MID2: variants seen among roughly 807,000 people sequenced by gnomAD.
The protein encoded by MID2 is probable E3 ubiquitin-protein ligase MID2.
A neutral mutation model predicts 46.1 loss-of-function variants in MID2; 13 were observed. That is an observed-to-expected ratio of 0.28 (90% confidence interval 0.18 to 0.45). The LOEUF is 0.45. Among genes scored for constraint, MID2 ranks in the 20% least tolerant of loss-of-function variants. The pLI is 1.00. For synonymous variants in MID2, 199 were observed against 212.3 expected (o/e 0.94, Z 0.55); for missense variants, 431 against 575.4 (o/e 0.75, Z 2.57).
chrX:107,849,184 A>G (rs1470537567), intron 2 of MID2, among the ~76,000 whole-genome samples: 1 of 112,265 alleles, frequency 8.9e-6, no homozygotes, highest in Non-Finnish European at 1.9e-5. Flanking sequence ...CAGACATTCT[A>G]TGACAGTGCC....
intron 7 of MID2, among the ~76,000 whole-genome samples, chrX:107,921,966 G>C (rs757027796): frequency 2.7e-5 from 3 of 111,524 alleles, no homozygotes; most frequent in African/African-American, 9.8e-5. Context: ...TAGAGACCAA[G>C]ACCTGAGTGC....
Position 107,926,073 on chromosome X carries a change from T to C in MID2, c.1598-21T>C, listed in dbSNP as rs766907409. 668 of 1,129,610 alleles carry C rather than the reference T, an allele frequency of 5.9e-4. 1 individual carries two copies. The highest frequency in any genetic ancestry group is 7.1e-4 in the Non-Finnish European group (598 of 838,274). The allele number at this position is 1,129,610 out of a possible 1,213,427, so 93.1% of individuals were successfully genotyped here. On this transcript the variant is annotated intron_variant, in intron 8 of 9. Coordinates refer to ENST00000262843, the MANE Select transcript of MID2 (RefSeq NM_012216.4). ...TACTTCATAGTGCTTTTTCTTTTTTTTTTTTCTACTTATTTTTCAGGCCAA... is the reference window on the plus strand; with the variant it reads ...TACTTCATAGTGCTTTTTCTTTTTTCTTTTTCTACTTATTTTTCAGGCCAA...
intron 1 of MID2, among the ~76,000 whole-genome samples, chrX:107,830,911 G>C (rs766476956): frequency 9.0e-6 from 1 of 111,442 alleles, no homozygotes; most frequent in Non-Finnish European, 1.9e-5. Context: ...GTAGTCTGTG[G>C]CTGTTTCTAT....
intron 3 of MID2, among the ~76,000 whole-genome samples, chrX:107,875,605 G>T (rs916734580): frequency 9.0e-6 from 1 of 111,495 alleles, no homozygotes; most frequent in African/African-American, 3.3e-5. Context: ...GAGACAAATA[G>T]TTTGTTCAGA....
chrX:107,826,580 G>C lies in MID2; in HGVS notation c.4+150G>C, dbSNP rs772604782. On this transcript the variant is annotated intron_variant, in intron 1 of 9. Transcript: ENST00000262843. ...TCGGCGAGGCAGGGTGATGGGGCCC[G>C]CGAGGCTCGAAACGGCGACGGGGGC... 2,843 of 718,212 alleles carry C rather than the reference G, an allele frequency of 4.0e-3. 6 individuals carry two copies. Among genetic ancestry groups the C allele is most frequent in the Non-Finnish European group, 4.8e-3 (2,573 of 532,760 alleles). 59.2% of individuals were successfully genotyped at this position (718,212 alleles called of 1,213,427 possible).
At chrX:107,864,281 T>C (rs1427212863) in intron 3 of MID2, among the ~76,000 whole-genome samples, 2 of 112,174 alleles carry the variant, frequency 1.8e-5, no homozygotes, top group African/African-American at 6.5e-5. Context: ...AAGCCTCTTA[T>C]GTACTCCTGC....
intron 3 of MID2, 48 bp from the exon 4 acceptor site, chrX:107,903,910 G>A (rs767898367): frequency 2.1e-6 from 2 of 941,669 alleles, no homozygotes; most frequent in East Asian, 3.1e-5. Flanking sequence ...GAGCCAGCAG[G>A]GGACAAAGGC....
chrX:107,899,800 G>A (rs1182282463), intron 3 of MID2, among the ~76,000 whole-genome samples: 2 of 111,535 alleles, frequency 1.8e-5, no homozygotes, highest in East Asian at 5.6e-4. Context: ...TACAAAGAGC[G>A]AATGTCAAAT....
chrX:107,885,595 T>C (rs1268986766), intron 3 of MID2, among the ~76,000 whole-genome samples: 2 of 111,646 alleles, frequency 1.8e-5, no homozygotes, highest in East Asian at 5.6e-4. Flanking sequence ...TGTGCTCGTG[T>C]CTTTATAGCA....
chrX:107,860,974 C>T (rs1602470280), intron 3 of MID2, among the ~76,000 whole-genome samples: 2 of 111,896 alleles, frequency 1.8e-5, no homozygotes, highest in East Asian at 2.8e-4. Context: ...CTCCATTACG[C>T]GTTGTTTTGC....
At chrX:107,862,155 G>A (rs1002685972) in intron 3 of MID2, among the ~76,000 whole-genome samples, 6 of 111,156 alleles carry the variant, frequency 5.4e-5, no homozygotes, top group African/African-American at 1.6e-4. Flanking sequence ...ATAGTAGCAG[G>A]AGGAGGAGGA....
At chrX:107,891,390 C>T in intron 3 of MID2, among the ~76,000 whole-genome samples, 1 of 108,472 alleles carries the variant, frequency 9.2e-6, no homozygotes, top group South Asian at 4.2e-4. Context: ...AAGTGATTCT[C>T]CTGCCTCAGA....
chrX:107,887,637 A>C (rs1011864144), intron 3 of MID2, among the ~76,000 whole-genome samples: 5 of 111,870 alleles, frequency 4.5e-5, no homozygotes, highest in African/African-American at 1.3e-4. Context: ...TGCTGGCCTC[A>C]TAAAATGAGT....
At chrX:107,879,694 C>G (rs1291732474) in intron 3 of MID2, among the ~76,000 whole-genome samples, 2 of 111,555 alleles carry the variant, frequency 1.8e-5, no homozygotes, top group Non-Finnish European at 3.8e-5. Flanking sequence ...CTCTTCTGCC[C>G]AGAATTTCCC....
chrX:107,844,326 A>G (rs1426886263), intron 2 of MID2, among the ~76,000 whole-genome samples: 1 of 111,403 alleles, frequency 9.0e-6, no homozygotes, highest in Non-Finnish European at 1.9e-5. Context: ...CATGTCTTTC[A>G]GCAGGCTACC....
intron 2 of MID2, among the ~76,000 whole-genome samples, chrX:107,844,532 A>G (rs1931417925): frequency 1.8e-5 from 2 of 111,258 alleles, no homozygotes; most frequent in South Asian, 3.8e-4. Context: ...TCATTATCAC[A>G]TGAGTTTCCA....
At chrX:107,895,139 T>C (rs888429064) in intron 3 of MID2, 2 of 110,021 alleles carry the variant, frequency 1.8e-5, no homozygotes, top group Admixed American at 2.0e-4. Flanking sequence ...AAACTGTCAT[T>C]GGTACAATAA....
chrX:107,898,936 G>A (rs1235564715), intron 3 of MID2, among the ~76,000 whole-genome samples: 1 of 110,895 alleles, frequency 9.0e-6, no homozygotes, highest in Non-Finnish European at 1.9e-5. Flanking sequence ...TTTCACTTGA[G>A]TCTGGGTATA....
At chrX:107,916,448 G>A (rs1485037989) in intron 6 of MID2, among the ~76,000 whole-genome samples, 1 of 111,849 alleles carries the variant, frequency 8.9e-6, no homozygotes, top group Non-Finnish European at 1.9e-5. Flanking sequence ...TAGAACTCAG[G>A]TGACAATTAG....
Sources: gnomAD v4.1 joint callset for allele counts (sites outside exome capture counted in the v4.1 genomes callset) on GRCh38, gnomAD v4.1.1 for gene constraint, MANE v1.5 for transcripts, NCBI Gene and HGNC (gene_info 2026-07-23, HGNC 2026-07-21) for gene names.